The following PRTG variants were observed in gnomAD, a reference collection of about 807,000 sequenced individuals.
The protein encoded by PRTG is immunoglobulin superfamily, DCC subclass, member 5.
PRTG carries 67 observed loss-of-function variants against 122.5 expected under a neutral mutation model. The ratio of observed to expected loss-of-function variants is 0.55; its 90% CI spans 0.45 to 0.67. The LOEUF is 0.67. Ranked by LOEUF, PRTG falls within the 30% of genes least tolerant of loss-of-function variation. PRTG has a pLI of 0.00. For missense variants in PRTG, 1,435 were observed against 1,415.4 expected, an observed-to-expected ratio of 1.01 and a Z score of -0.22; for synonymous variants, 554 against 501.1, an observed-to-expected ratio of 1.11 and a Z score of -1.41.
Position 55,740,701 on chromosome 15 carries a change from G to T in PRTG, c.95-17C>A. The T allele has an allele frequency of 6.3e-7, 1 of 1,584,316 alleles. No homozygotes were observed. The highest frequency in any genetic ancestry group is 8.6e-7 in the Non-Finnish European group (1 of 1,167,194). On this transcript the variant is annotated splice_polypyrimidine_tract_variant and intron_variant, in intron 1 of 19. Coordinates refer to ENST00000389286, the MANE Select transcript of PRTG (RefSeq NM_173814.6). ...ACCACACTCCTATAAGGAAAAAAAA[G>T]GAGAACGGCACATCCAGAATTACAG... is the stretch of plus-strand genomic sequence containing the variant.
At chr15:55,661,614 A>G (rs976980690) in intron 11 of PRTG, among the ~76,000 whole-genome samples, 1 of 152,206 alleles carries the variant, frequency 6.6e-6, no homozygotes, top group Non-Finnish European at 1.5e-5. Context: ...GACAAAATGC[A>G]TGCATATGAA....
At chr15:55,715,585 C>A (rs188355832) in intron 2 of PRTG, among the ~76,000 whole-genome samples, 1 of 152,154 alleles carries the variant, frequency 6.6e-6, no homozygotes, top group Non-Finnish European at 1.5e-5. Flanking sequence ...AGTTCCTAAT[C>A]CCCTTTTCCT....
rs192959131 is a variant in PRTG at position 55,670,490 on chromosome 15, G to A, written c.2041+1955C>T. 2.0e-5 allele frequency among the ~76,000 whole-genome samples: 3 copies of A among 152,292 alleles called. No homozygotes were observed. The East Asian group carries it at 5.8e-4, about 29-fold the overall frequency. ...AGGGAAAGGGACAGAATACTGAGAA[G>A]CCATGACTAGGAATAAATGTTGCTG... On this transcript the variant is annotated intron_variant, in intron 11 of 19. Coordinates refer to ENST00000389286, the MANE Select transcript of PRTG (RefSeq NM_173814.6).
chr15:55,646,381 G>A (rs997504098), intron 11 of PRTG, among the ~76,000 whole-genome samples: 5 of 150,650 alleles, frequency 3.3e-5, no homozygotes, highest in Admixed American at 6.6e-5. Context: ...GGAGTGCAGT[G>A]GCACGATCTC....
chr15:55,679,268 C>T lies in PRTG; in HGVS notation c.1133+18G>A, dbSNP rs1267715125. 4 of 1,572,984 alleles carry T rather than the reference C, an allele frequency of 2.5e-6. No individual in the cohort carries two copies. Among genetic ancestry groups the T allele is most frequent in the Non-Finnish European group, 3.5e-6 (4 of 1,146,756 alleles). The stretch of plus-strand genomic sequence containing the variant: ...CATTATATCATATATAAAATGGTAG[C>T]AAAGTTACACAGCCTACCTGTTGTA... On this transcript the variant is annotated intron_variant, in intron 7 of 19. Coordinates refer to ENST00000389286, the MANE Select transcript of PRTG (RefSeq NM_173814.6).
rs767908976 is a variant in PRTG, at chr15:55,680,184, A to G, written c.843T>C (p.Thr281=). Reference sequence around the variant, plus strand: ...TGAGATTACCATTTCCAAGTACCCGAGTATTAAAGACATCAATGGATTTGT... The same window carrying G: ...TGAGATTACCATTTCCAAGTACCCGGGTATTAAAGACATCAATGGATTTGT... ...LDHKSIDVFN[T]RVLGNGNLMI... is the part of the protein sequence containing the mutation. Residue 281 remains threonine (T), a synonymous_variant, in exon 6 of 20, where the codon ACT becomes ACC. Coordinates refer to ENST00000389286, the MANE Select transcript of PRTG (RefSeq NM_173814.6). 2 of 1,611,154 alleles carry G rather than the reference A, an allele frequency of 1.2e-6. No homozygotes were observed. Among genetic ancestry groups the G allele is most frequent in the Non-Finnish European group, 1.7e-6 (2 of 1,177,430 alleles).
Position 55,743,072 on chromosome 15 carries a change from C to G in PRTG, c.-141G>C. ...CCGGCTCCGGCACCGGCGTGGCGAG[C>G]GTCTCTGCGGCGGCGAGGCTGGTGC... On this transcript the variant is annotated 5_prime_UTR_variant, in exon 1 of 20. Transcript: ENST00000389286. 1 of 1,299,532 alleles carries G rather than the reference C, an allele frequency of 7.7e-7. No individual in the cohort carries two copies. Among genetic ancestry groups the G allele is most frequent in the Non-Finnish European group, 9.7e-7 (1 of 1,028,760 alleles). 80.5% of individuals were successfully genotyped at this position (1,299,532 alleles called of 1,614,324 possible).
chr15:55,633,854 C>T (rs1407299189), intron 15 of PRTG, among the ~76,000 whole-genome samples: 3 of 152,150 alleles, frequency 2.0e-5, no homozygotes, highest in Admixed American at 2.0e-4. Context: ...AAAAGCTTTT[C>T]ACAAATGTTT....
chr15:55,731,538 T>C (rs2031233733), intron 2 of PRTG, among the ~76,000 whole-genome samples: 2 of 151,180 alleles, frequency 1.3e-5, no homozygotes, highest in South Asian at 2.1e-4. Context: ...ACCCAGATAA[T>C]GTTTGTATTT....
chr15:55,688,236 ATT>A (rs1018030587), intron 2 of PRTG, among the ~76,000 whole-genome samples: 3 of 151,946 alleles, frequency 2.0e-5, no homozygotes, highest in African/African-American at 7.3e-5. Flanking sequence ...CTTCCCTATT[ATT>A]TTATGGAAAC....
chr15:55,666,937 A>G (rs1262095942), intron 11 of PRTG, among the ~76,000 whole-genome samples: 1 of 152,200 alleles, frequency 6.6e-6, no homozygotes, highest in African/African-American at 2.4e-5. Context: ...TTGAAGTCAA[A>G]TCCAGGCAAC....
intron 2 of PRTG, 61 bp downstream of exon 2, chr15:55,740,321 G>A (rs10152116): frequency 0.46 from 659,284 of 1,431,330 alleles, 165,654 homozygotes; most frequent in Non-Finnish European, 0.52. Context: ...TATTAATAAA[G>A]CAAGAAATCA....
chr15:55,709,376 A>AAT (rs201464211), intron 2 of PRTG, among the ~76,000 whole-genome samples: 11 of 146,384 alleles, frequency 7.5e-5, no homozygotes, highest in Admixed American at 4.1e-4. Flanking sequence ...TAAAATATAC[A>AAT]ATATATATAT....
intron 11 of PRTG, among the ~76,000 whole-genome samples, chr15:55,668,739 T>A (rs2059451650): frequency 6.6e-6 from 1 of 152,130 alleles, no homozygotes; most frequent in Admixed American, 6.5e-5. Flanking sequence ...TCAAACAAGC[T>A]AACATCAAAA....
intron 11 of PRTG, chr15:55,655,494 CATGA>C (rs1450690174): frequency 1.3e-5 from 2 of 152,148 alleles, no homozygotes; most frequent in Non-Finnish European, 2.9e-5. Flanking sequence ...ACAAACATTT[CATGA>C]ATGAGTTATT....
intron 11 of PRTG, among the ~76,000 whole-genome samples, chr15:55,647,099 G>A (rs1263405600): frequency 1.3e-5 from 2 of 152,112 alleles, no homozygotes; most frequent in Non-Finnish European, 2.9e-5. Flanking sequence ...GGCCAACATG[G>A]TGAAACCCCA....
At chr15:55,699,089 T>G (rs1318523517) in intron 2 of PRTG, among the ~76,000 whole-genome samples, 1 of 152,170 alleles carries the variant, frequency 6.6e-6, no homozygotes, top group Non-Finnish European at 1.5e-5. Flanking sequence ...TAACTTTATA[T>G]TATAGGATTT....
chr15:55,739,494 A>G (rs1251812272), intron 2 of PRTG, among the ~76,000 whole-genome samples: 2 of 152,210 alleles, frequency 1.3e-5, no homozygotes, highest in Non-Finnish European at 2.9e-5. Flanking sequence ...TTTGTGGATT[A>G]ACAAAAAGCA....
Position 55,649,388 on chromosome 15 carries a change from C to T in PRTG, c.2042-8180G>A, listed in dbSNP as rs564993845. ...ATGGGTATGACAATGATAACAGCAT[C>T]CATCTCATGAGATGTTGGGGAGGGA... On this transcript the variant is annotated intron_variant, in intron 11 of 19. Transcript: ENST00000389286. Among the ~76,000 whole-genome samples the T allele has an allele frequency of 3.4e-5, 5 of 148,788 alleles. No individual in the cohort carries two copies. In the South Asian group the frequency reaches 8.7e-4, roughly 26 times the overall value.
Sources: allele counts gnomAD v4.1 joint callset (sites outside exome capture counted in the v4.1 genomes callset), GRCh38; gene constraint gnomAD v4.1.1; transcripts MANE v1.5; gene names NCBI Gene and HGNC (gene_info 2026-07-23, HGNC 2026-07-21).